Variants in EXOC2 observed in about 807,000 individuals in gnomAD.
The protein encoded by EXOC2 is SEC5-like 1.
Under a neutral mutation model 131.8 loss-of-function variants are expected in EXOC2, and 70 were observed. That is an observed-to-expected ratio of 0.53 (90% CI 0.44 to 0.65). The LOEUF (loss-of-function observed/expected upper bound fraction) is 0.65. Among genes scored for constraint, EXOC2 ranks in the 30% least tolerant of loss-of-function variants. The pLI, the probability that EXOC2 is intolerant of heterozygous loss-of-function variation, is 0.00. For missense variants in EXOC2, 923 were observed against 1,108.6 expected (o/e 0.83, Z 2.38); for synonymous variants, 411 against 398.4 (o/e 1.03, Z -0.38).
intron 4 of EXOC2, among the ~76,000 whole-genome samples, chr6:628,655 G>C (rs955653794): frequency 1.3e-5 from 2 of 152,114 alleles, no homozygotes; most frequent in Non-Finnish European, 2.9e-5. Context: ...TGGTTATGAA[G>C]AGCAGCTCAG....
Position 485,247 on chromosome 6 carries a change from G to T in EXOC2, c.*1424C>A, listed in dbSNP as rs1762985927. 6.6e-6 allele frequency: 1 copy of T among 152,150 alleles called. No homozygotes were observed. The highest frequency in any genetic ancestry group is 2.1e-4 in the South Asian group (1 of 4,806). The allele number at this position is 152,150 out of a possible 1,614,324, so 9.4% of individuals were successfully genotyped here. ...TTGCAGTTTTTAAACTTAGCTCACA[G>T]TTGAGTTAGATACAACAGTTAACAT... On this transcript the variant is annotated 3_prime_UTR_variant, in exon 28 of 28. Coordinates refer to ENST00000230449, the MANE Select transcript of EXOC2 (RefSeq NM_018303.6).
At chr6:659,995 T>TGGGG (rs538836534) in intron 1 of EXOC2, among the ~76,000 whole-genome samples, 1 of 38,092 alleles carries the variant, frequency 2.6e-5, no homozygotes, top group African/African-American at 8.5e-5. Context: ...TCAGGGCTGT[T>TGGGG]GGGGGGGGGA....
chr6:518,821 G>C (rs1765303569), intron 23 of EXOC2, among the ~76,000 whole-genome samples: 1 of 152,142 alleles, frequency 6.6e-6, no homozygotes, highest in African/African-American at 2.4e-5. Context: ...GCTTTAAAGA[G>C]ATTAAGTACA....
intron 10 of EXOC2, among the ~76,000 whole-genome samples, chr6:594,872 T>G (rs1309007896): frequency 6.6e-6 from 1 of 152,236 alleles, no homozygotes; most frequent in African/African-American, 2.4e-5. Flanking sequence ...TTCAAAACTC[T>G]GTTTAGAATG....
At chr6:498,687 T>C (rs1022350014) in intron 24 of EXOC2, among the ~76,000 whole-genome samples, 13 of 152,224 alleles carry the variant, frequency 8.5e-5, no homozygotes, top group Non-Finnish European at 1.3e-4. Context: ...TTGTCTTCCC[T>C]GGTCATATTC....
At chr6:489,368 A>G (rs1763288996) in intron 26 of EXOC2, among the ~76,000 whole-genome samples, 1 of 152,226 alleles carries the variant, frequency 6.6e-6, no homozygotes, top group Non-Finnish European at 1.5e-5. Flanking sequence ...AGTCTTTTCA[A>G]AACAAGCAGC....
rs1013046071 is a variant in EXOC2, at chr6:486,348, C to T, written c.*323G>A. The T allele has an allele frequency of 1.2e-5, 3 of 242,432 alleles. No homozygotes were observed. The highest frequency in any genetic ancestry group is 1.1e-4 in the Admixed American group (2 of 18,762). 15.0% of individuals were successfully genotyped at this position (242,432 alleles called of 1,614,324 possible). A position where few individuals can be genotyped will look rare whatever the true frequency, so the allele number is the denominator to read the frequency against. ...CACTGAGAAATGCTTCAATATGTGCCACGCCATTCCAGAAAACTCCCTGCA... is the reference window on the plus strand; with the variant it reads ...CACTGAGAAATGCTTCAATATGTGCTACGCCATTCCAGAAAACTCCCTGCA... On this transcript the variant is annotated 3_prime_UTR_variant, in exon 28 of 28. Coordinates refer to ENST00000230449, the MANE Select transcript of EXOC2 (RefSeq NM_018303.6).
chr6:554,282 C>T (rs1413040207), intron 20 of EXOC2, among the ~76,000 whole-genome samples: 7 of 152,106 alleles, frequency 4.6e-5, no homozygotes, highest in Admixed American at 6.5e-5. Flanking sequence ...CCTCGTGATC[C>T]GCCTGCCTCG....
At chr6:559,017 C>T (rs1056654469) in intron 17 of EXOC2, among the ~76,000 whole-genome samples, 2 of 152,158 alleles carry the variant, frequency 1.3e-5, no homozygotes, top group African/African-American at 4.8e-5. Flanking sequence ...TACACATTCA[C>T]TATTTCTTTT....
intron 1 of EXOC2, among the ~76,000 whole-genome samples, chr6:671,561 C>A (rs1266920991): frequency 2.6e-5 from 4 of 152,028 alleles, no homozygotes; most frequent in African/African-American, 9.7e-5. Context: ...AGTATTTGAC[C>A]TATATCATTT....
At position 617,878 on chromosome 6, in the gene EXOC2, G is replaced by A. The variant is rs1182987268; in HGVS notation, c.537-43C>T. 5 of 1,588,574 alleles carry A rather than the reference G, an allele frequency of 3.1e-6. No homozygotes were observed. The Admixed American group carries it at 7.2e-5, about 23-fold the overall frequency. ...AACCAAAGTTTGACACTTCTAACAT[G>A]CAAGAAAGAAAAAATAATTCCTTCA... On this transcript the variant is annotated intron_variant, in intron 5 of 27. Transcript: ENST00000230449.
chr6:611,195 C>T (rs1760697162), intron 6 of EXOC2, among the ~76,000 whole-genome samples: 1 of 152,138 alleles, frequency 6.6e-6, no homozygotes, highest in Non-Finnish European at 1.5e-5. Flanking sequence ...ATGGACTATG[C>T]CTAAGCATTA....
At chr6:501,910 G>C (rs1764225713) in intron 23 of EXOC2, among the ~76,000 whole-genome samples, 1 of 151,802 alleles carries the variant, frequency 6.6e-6, no homozygotes, top group Non-Finnish European at 1.5e-5. Flanking sequence ...GAAAGAGCCT[G>C]TTGTAAGTGA....
chr6:683,331 A>G (rs1365828009), intron 1 of EXOC2, among the ~76,000 whole-genome samples: 1 of 152,276 alleles, frequency 6.6e-6, no homozygotes, highest in East Asian at 1.9e-4. Context: ...CATCTCAACA[A>G]TAATGTTCAG....
At chr6:616,860 A>C (rs905417864) in intron 6 of EXOC2, among the ~76,000 whole-genome samples, 6 of 151,754 alleles carry the variant, frequency 4.0e-5, no homozygotes, top group Admixed American at 3.9e-4. Context: ...CTCCAGCCTC[A>C]GCCTCCCAAG....
intron 27 of EXOC2, among the ~76,000 whole-genome samples, chr6:487,182 C>A (rs1561765137): frequency 1.3e-5 from 2 of 152,332 alleles, no homozygotes; most frequent in East Asian, 1.9e-4. Context: ...TGCACCCTTT[C>A]CCCTGCTGCC....
At chr6:536,627 T>C (rs1766459613) in intron 22 of EXOC2, among the ~76,000 whole-genome samples, 1 of 152,186 alleles carries the variant, frequency 6.6e-6, no homozygotes, top group Non-Finnish European at 1.5e-5. Flanking sequence ...AGACTCATAC[T>C]ACTTGATATC....
intron 23 of EXOC2, among the ~76,000 whole-genome samples, chr6:503,040 A>C (rs1764320243): frequency 6.6e-6 from 1 of 152,204 alleles, no homozygotes; most frequent in Non-Finnish European, 1.5e-5. Context: ...CTGCCATCAT[A>C]ACCTCCCAGT....
In EXOC2 at chr6:599,074, C is replaced by G; in HGVS notation, c.888+6G>C. ...CCATATGTAAATAAATAAACATGTA[C>G]TCTACCTTTTGAATATTCCTTTCAA... On this transcript the variant is annotated splice_donor_region_variant and intron_variant, in intron 8 of 27. Transcript: ENST00000230449. 1 of 1,607,184 alleles carries G rather than the reference C, an allele frequency of 6.2e-7. No homozygotes were observed. The highest frequency in any genetic ancestry group is 8.5e-7 in the Non-Finnish European group (1 of 1,176,080).
Sources: allele counts gnomAD v4.1 joint callset (sites outside exome capture counted in the v4.1 genomes callset), GRCh38; gene constraint gnomAD v4.1.1; transcripts MANE v1.5; gene names NCBI Gene and HGNC (gene_info 2026-07-23, HGNC 2026-07-21).